Variants in ECPAS observed in about 807,000 individuals in gnomAD.
The protein encoded by ECPAS is Ecm29 proteasome adaptor and scaffold.
A neutral mutation model predicts 255.1 loss-of-function variants in ECPAS; 70 were observed. That is an observed-to-expected ratio of 0.27 (90% CI 0.23 to 0.33). The LOEUF is 0.33. ECPAS is among the 10% of genes least tolerant of loss of function. The pLI is 1.00. For missense variants in ECPAS, 1,817 were observed against 2,206.4 expected (o/e 0.82, Z 3.54); for synonymous variants, 784 against 775.0 (o/e 1.01, Z -0.19).
chr9:111,363,729 T>G, intron 48 of ECPAS, 70 bp from the exon 49 acceptor site: 1 of 777,078 alleles, frequency 1.3e-6, no homozygotes, highest in South Asian at 1.6e-5. Flanking sequence ...AAATTTGTGT[T>G]GCTGAAAGAA....
chr9:111,400,441 C>T (rs2098174117), intron 24 of ECPAS, among the ~76,000 whole-genome samples: 1 of 152,172 alleles, frequency 6.6e-6, no homozygotes, highest in South Asian at 2.1e-4. Context: ...ACTAAGCAGG[C>T]ACCAGTGACC....
intron 2 of ECPAS, among the ~76,000 whole-genome samples, chr9:111,471,132 T>C (rs79043167): frequency 0.024 from 3,613 of 152,296 alleles, 148 homozygotes; most frequent in African/African-American, 0.082. Context: ...CCTAGAATGT[T>C]CTTTATTTAA....
intron 2 of ECPAS, among the ~76,000 whole-genome samples, chr9:111,470,109 GGTCCCTGCTGATGGA>G (rs1241736332): frequency 6.6e-6 from 1 of 152,108 alleles, no homozygotes; most frequent in African/African-American, 2.4e-5. Flanking sequence ...CTGAGCAGGA[GGTCCCTGCTGATGGA>G]GTCCTTTGCT....
At chr9:111,446,764 T>C (rs1461944250) in intron 3 of ECPAS, among the ~76,000 whole-genome samples, 1 of 152,234 alleles carries the variant, frequency 6.6e-6, no homozygotes, top group Admixed American at 6.5e-5. Flanking sequence ...CCAAGGATAC[T>C]GGGCCAGCAA....
At chr9:111,482,639 G>T (rs760550590) in intron 1 of ECPAS, among the ~76,000 whole-genome samples, 136 of 151,954 alleles carry the variant, frequency 9.0e-4, no homozygotes, top group Non-Finnish European at 1.1e-3. Flanking sequence ...AAACTGAAGG[G>T]CAGCATTGGG....
chr9:111,414,751 A>G, intron 18 of ECPAS, 100 bp from the exon 19 acceptor site: 1 of 1,040,342 alleles, frequency 9.6e-7, no homozygotes. Flanking sequence ...ATTCACCCAC[A>G]CTTCTTTATA....
At chr9:111,387,878 C>T (rs972772822) in intron 31 of ECPAS, among the ~76,000 whole-genome samples, 11 of 152,302 alleles carry the variant, frequency 7.2e-5, no homozygotes, top group Middle Eastern at 3.4e-3. Context: ...ATCAACAGTG[C>T]AGTTACTGAG....
chr9:111,372,384 C>T (rs575442035), intron 42 of ECPAS, 45 bp downstream of exon 42: 2 of 1,547,602 alleles, frequency 1.3e-6, no homozygotes, highest in Admixed American at 3.6e-5. Context: ...AAAATTCTAG[C>T]TGTGATTCCT....
intron 1 of ECPAS, 119 bp downstream of exon 1, chr9:111,483,997 G>A (rs2098311328): frequency 2.0e-6 from 2 of 1,003,996 alleles, no homozygotes; most frequent in African/African-American, 1.8e-5. Context: ...GTCGCCGCCC[G>A]CCCCGCGTGC....
chr9:111,461,768 G>A lies in ECPAS; in HGVS notation c.23-10213C>T, dbSNP rs534931237. Among the ~76,000 whole-genome samples the A allele has an allele frequency of 5.3e-5, 8 of 152,264 alleles. No individual in the cohort carries two copies. In the East Asian group the frequency reaches 9.7e-4, roughly 18 times the overall value. On this transcript the variant is annotated intron_variant, in intron 2 of 49. Coordinates refer to ENST00000684092, the MANE Select transcript of ECPAS (RefSeq NM_001364929.1). ...TATCCAAGACTAGAGAATTCACAAA[G>A]GAAAGAGGTTTAATGGAGAACTACA...
At chr9:111,389,850 T>C (rs1285038818) in intron 30 of ECPAS, 127 bp from the exon 31 acceptor site, 1 of 1,181,594 alleles carries the variant, frequency 8.5e-7, no homozygotes, top group East Asian at 2.6e-5. Context: ...ATCAACAGCA[T>C]TTGTGGGGTT....
At chr9:111,428,267 G>T in intron 9 of ECPAS, 106 bp from the exon 10 acceptor site, 1 of 1,099,076 alleles carries the variant, frequency 9.1e-7, no homozygotes, top group Non-Finnish European at 1.3e-6. Context: ...TTTGTTTCAA[G>T]ATCCCTTTAC....
chr9:111,423,097 T>G (rs2098216595), intron 13 of ECPAS, 102 bp downstream of exon 13: 1 of 827,940 alleles, frequency 1.2e-6, no homozygotes, highest in South Asian at 1.6e-5. Flanking sequence ...ATACATTCCC[T>G]TTCAGAATCA....
chr9:111,436,102 C>T (rs903352570), intron 7 of ECPAS, among the ~76,000 whole-genome samples: 5 of 151,302 alleles, frequency 3.3e-5, no homozygotes, highest in Admixed American at 3.3e-4. Flanking sequence ...CTCAATAAAA[C>T]ATTCTATAAA....
In ECPAS at chr9:111,414,063, T is replaced by C. The variant is rs374577306; in HGVS notation, c.1988-77A>G. ...CAGGGATCACTAAATTCCTTTAAAG[T>C]ATAAGGCCACTGCTTTAGCACACAT... On this transcript the variant is annotated intron_variant, in intron 19 of 49. Transcript: ENST00000684092. 2.6e-5 allele frequency: 24 copies of C among 926,984 alleles called. No homozygotes were observed. In the African/African-American group the frequency reaches 3.1e-4, roughly 12 times the overall value. 57.4% of individuals were successfully genotyped at this position (926,984 alleles called of 1,614,324 possible). A position where few individuals can be genotyped will look rare whatever the true frequency, so the allele number is the denominator to read the frequency against.
intron 3 of ECPAS, among the ~76,000 whole-genome samples, chr9:111,447,680 A>C (rs2098255105): frequency 6.6e-6 from 1 of 152,094 alleles, no homozygotes; most frequent in South Asian, 2.1e-4. Context: ...CTATTCCAAA[A>C]GTTTTCCAAC....
In ECPAS at chr9:111,377,740, G is replaced by GTGC. The variant is rs2098135040; in HGVS notation, c.3954+837_3954+839dup. On this transcript the variant is annotated intron_variant, in intron 36 of 49. Coordinates refer to ENST00000684092, the MANE Select transcript of ECPAS (RefSeq NM_001364929.1). ...AGGCACAGGAAACTTTTGACAGCAG[G>GTGC]TGCTCCTCAGGGAATGATACTGTGG... Among the ~76,000 whole-genome samples, 2 of 152,360 alleles carry GTGC rather than the reference G, an allele frequency of 1.3e-5. 1 individual carries two copies. The highest frequency in any genetic ancestry group is 4.1e-4 in the South Asian group (2 of 4,830).
At position 111,417,922 on chromosome 9, in the gene ECPAS, C is replaced by A; in HGVS notation, c.1644G>T (p.Met548Ile). 1 of 1,588,342 alleles carries A rather than the reference C, an allele frequency of 6.3e-7. No individual in the cohort carries two copies. Among genetic ancestry groups the A allele is most frequent in the Admixed American group, 1.8e-5 (1 of 56,230 alleles). Residue 548 changes from methionine (M) to isoleucine (I), a missense_variant, in exon 17 of 50, where the codon ATG becomes ATT. By Grantham distance (10) the Met-to-Ile change is conservative. Coordinates refer to ENST00000684092, the MANE Select transcript of ECPAS (RefSeq NM_001364929.1). ...AATAAACCATTTCTGGGAAGGAAGG[C>A]ATCTGCTCAGAAGTACTTTCTTTTC... ...RNRKESTSEQ[M>I]PSFPEMVYYI...
In ECPAS at chr9:111,425,406, C is replaced by T; in HGVS notation, c.1215+12G>A. ...TAAAATGTTGATAAAATTTAAAAGA[C>T]AAGTCACTTACCTCTTTGTATTCAT... is the stretch of plus-strand genomic sequence containing the variant. On this transcript the variant is annotated intron_variant, in intron 12 of 49. Transcript: ENST00000684092. 6.5e-7 allele frequency: 1 copy of T among 1,530,698 alleles called. No individual in the cohort carries two copies. Among genetic ancestry groups the T allele is most frequent in the Non-Finnish European group, 8.8e-7 (1 of 1,134,790 alleles). The allele number at this position is 1,530,698 out of a possible 1,614,324, so 94.8% of individuals were successfully genotyped here.
Sources: allele counts gnomAD v4.1 joint callset (sites outside exome capture counted in the v4.1 genomes callset), GRCh38; gene constraint gnomAD v4.1.1; transcripts MANE v1.5; gene names NCBI Gene and HGNC (gene_info 2026-07-23, HGNC 2026-07-21).